Variants in TYW1B observed in about 807,000 individuals in gnomAD.
The protein encoded by TYW1B is tRNA-yW synthesizing protein 1 homolog B, also known as S-adenosyl-L-methionine-dependent tRNA 4-demethylwyosine synthase TYW1B.
A neutral mutation model predicts 86.9 loss-of-function variants in TYW1B; 73 were observed. That is an observed-to-expected ratio of 0.84 (90% CI 0.70 to 1.02). The LOEUF is 1.02. Ranked by LOEUF, TYW1B falls within the 50% of genes least tolerant of loss-of-function variation. TYW1B has a pLI of 0.00. For missense variants in TYW1B, 637 were observed against 827.4 expected, an observed-to-expected ratio of 0.77 and a Z score of 2.82; for synonymous variants, 248 against 292.8, an observed-to-expected ratio of 0.85 and a Z score of 1.56.
chr7:72,708,023 C>G (rs1554453986), intron 10 of TYW1B, among the ~76,000 whole-genome samples: 1 of 152,188 alleles, frequency 6.6e-6, no homozygotes, highest in Non-Finnish European at 1.5e-5. Context: ...TTTCCTGAGG[C>G]CTCCCCTGCC....
At position 72,691,285 on chromosome 7, in the gene TYW1B, G is replaced by A. The variant is rs35718671; in HGVS notation, c.1506+3402C>T. On this transcript the variant is annotated intron_variant, in intron 11 of 13. Transcript: ENST00000620995. The stretch of plus-strand genomic sequence containing the variant: ...AGGCAACAAAAACAATGCCAAGAAC[G>A]AGAAACAACAACTCTAATTGCTACA... Among the ~76,000 whole-genome samples the A allele has an allele frequency of 1.1e-4, 17 of 152,308 alleles. No individual in the cohort carries two copies. In the South Asian group the frequency reaches 3.5e-3, roughly 32 times the overall value.
At chr7:72,667,048 A>AAAAAGAAAG (rs60588106) in intron 11 of TYW1B, among the ~76,000 whole-genome samples, 1 of 131,368 alleles carries the variant, frequency 7.6e-6, no homozygotes, top group African/African-American at 3.1e-5. Flanking sequence ...AAAAAAAAAA[A>AAAAAGAAAG]AAAGAAACTA....
chr7:72,604,791 T>C (rs1554434474), intron 13 of TYW1B, among the ~76,000 whole-genome samples: 1 of 152,212 alleles, frequency 6.6e-6, no homozygotes, highest in African/African-American at 2.4e-5. Flanking sequence ...CCCTCCCCTG[T>C]AGGCAACTGT....
At chr7:72,776,462 G>T (rs1432949476) in intron 7 of TYW1B, among the ~76,000 whole-genome samples, 1 of 144,386 alleles carries the variant, frequency 6.9e-6, no homozygotes, top group African/African-American at 2.5e-5. Context: ...TCAGGAGGCT[G>T]AGGCAGGAGA....
chr7:72,703,641 G>A (rs1410901601), intron 10 of TYW1B, among the ~76,000 whole-genome samples: 8 of 151,374 alleles, frequency 5.3e-5, no homozygotes, highest in East Asian at 2.0e-4. Context: ...TATCAGCTGA[G>A]GTCAGGAGTT....
At chr7:72,690,831 T>A (rs1814135035) in intron 11 of TYW1B, among the ~76,000 whole-genome samples, 1 of 151,504 alleles carries the variant, frequency 6.6e-6, no homozygotes, top group African/African-American at 2.4e-5. Context: ...CGCTACAACC[T>A]CCGCCTCCCG....
chr7:72,713,882 TAG>T (rs1156937912), intron 9 of TYW1B, 84 bp from the exon 10 acceptor site: 1 of 1,395,724 alleles, frequency 7.2e-7, no homozygotes, highest in Admixed American at 2.9e-5. Flanking sequence ...TTTGATTTTA[TAG>T]AGCAAATTCA....
At chr7:72,815,544 C>T in intron 2 of TYW1B, 63 bp from the exon 3 acceptor site, 1 of 1,428,890 alleles carries the variant, frequency 7.0e-7, no homozygotes, top group Non-Finnish European at 9.6e-7. Flanking sequence ...CCCTCATTTA[C>T]CCCTGTTGGC....
intron 9 of TYW1B, among the ~76,000 whole-genome samples, chr7:72,727,713 C>G (rs1585934400): frequency 6.8e-6 from 1 of 146,666 alleles, no homozygotes; most frequent in African/African-American, 2.5e-5. Context: ...GGAGGTAAGG[C>G]TGAGGTGGGA....
At chr7:72,817,054 G>A (rs1788736855) in intron 2 of TYW1B, among the ~76,000 whole-genome samples, 1 of 152,106 alleles carries the variant, frequency 6.6e-6, no homozygotes, top group Admixed American at 6.6e-5. Flanking sequence ...TGAAGTGGGG[G>A]CAGTCTTGTG....
At chr7:72,781,889 A>G (rs562025509) in intron 6 of TYW1B, among the ~76,000 whole-genome samples, 1 of 152,246 alleles carries the variant, frequency 6.6e-6, no homozygotes, top group South Asian at 2.1e-4. Context: ...CAATGAATAC[A>G]CAAAACATTC....
intron 6 of TYW1B, among the ~76,000 whole-genome samples, chr7:72,794,668 G>A (rs1401112023): frequency 3.9e-5 from 6 of 152,138 alleles, no homozygotes; most frequent in Non-Finnish European, 4.4e-5. Flanking sequence ...CTCAGCGCAA[G>A]GGACTTGCCA....
At chr7:72,791,154 G>A (rs1369452088) in intron 6 of TYW1B, among the ~76,000 whole-genome samples, 4 of 152,110 alleles carry the variant, frequency 2.6e-5, no homozygotes. Flanking sequence ...CTGTAAACAT[G>A]TTTTTATAAT....
intron 12 of TYW1B, among the ~76,000 whole-genome samples, chr7:72,622,614 GACAC>G (rs1812245513): frequency 6.6e-6 from 1 of 151,694 alleles, no homozygotes; most frequent in African/African-American, 2.4e-5. Flanking sequence ...CGCACACACG[GACAC>G]ACACAAACAC....
rs148097819 is a variant in TYW1B, at chr7:72,699,602, C to T, written c.1371-4780G>A. Among the ~76,000 whole-genome samples, 539 of 152,176 alleles carry T rather than the reference C, an allele frequency of 3.5e-3. 3 individuals carry two copies. Among genetic ancestry groups the T allele is most frequent in the South Asian group, 5.6e-3 (27 of 4,822 alleles). ...TTTCTAAGTTGGGAGACATACTTAC[C>T]TCAAAGTAGAATCTGACTTACAAAG... is the stretch of plus-strand genomic sequence containing the variant. On this transcript the variant is annotated intron_variant, in intron 10 of 13. Transcript: ENST00000620995.
chr7:72,634,231 T>C (rs1585864791), intron 11 of TYW1B, among the ~76,000 whole-genome samples: 1 of 151,678 alleles, frequency 6.6e-6, no homozygotes, highest in Non-Finnish European at 1.5e-5. Flanking sequence ...CAGGCTGGAG[T>C]GCAGTGGCAT....
At chr7:72,725,959 C>T (rs1174427113) in intron 9 of TYW1B, among the ~76,000 whole-genome samples, 3 of 152,120 alleles carry the variant, frequency 2.0e-5, no homozygotes, top group Non-Finnish European at 4.4e-5. Context: ...AAGCCTAACA[C>T]ACTCTCCAAA....
intron 5 of TYW1B, 43 bp downstream of exon 5, chr7:72,807,023 C>A: frequency 6.3e-7 from 1 of 1,587,914 alleles, no homozygotes; most frequent in South Asian, 1.1e-5. Context: ...GATCTCCAAG[C>A]AGAGGGGGAA....
chr7:72,741,703 G>A (rs1352774043), intron 8 of TYW1B, among the ~76,000 whole-genome samples: 1 of 152,154 alleles, frequency 6.6e-6, no homozygotes, highest in Non-Finnish European at 1.5e-5. Context: ...CAAACTGCTG[G>A]AAGAATAAGA....
Sources: allele counts gnomAD v4.1 joint callset (sites outside exome capture counted in the v4.1 genomes callset), GRCh38; gene constraint gnomAD v4.1.1; transcripts MANE v1.5; gene names NCBI Gene and HGNC (gene_info 2026-07-23, HGNC 2026-07-21).